Variants in IL2RB observed in about 807,000 individuals in gnomAD.
IL2RB encodes interleukin-2 receptor subunit beta.
A neutral mutation model predicts 44.2 loss-of-function variants in IL2RB; 17 were observed. The ratio of observed to expected loss-of-function variants is 0.38; its 90% CI spans 0.26 to 0.58. The LOEUF is 0.58. Among genes scored for constraint, IL2RB ranks in the 20% least tolerant of loss-of-function variants. IL2RB has a pLI of 0.63. For missense variants in IL2RB, 624 were observed against 685.5 expected, an observed-to-expected ratio of 0.91 and a Z score of 1.00; for synonymous variants, 286 against 297.9, an observed-to-expected ratio of 0.96 and a Z score of 0.41.
intron 6 of IL2RB, 103 bp downstream of exon 6, chr22:37,137,484 C>A (rs1921764155): frequency 1.6e-6 from 2 of 1,238,994 alleles, no homozygotes; most frequent in East Asian, 4.7e-5. Flanking sequence ...ACCCACCATC[C>A]ACCTGGGGCT....
intron 8 of IL2RB, among the ~76,000 whole-genome samples, chr22:37,133,429 T>C (rs1175327413): frequency 2.0e-5 from 3 of 152,186 alleles, no homozygotes; most frequent in Non-Finnish European, 2.9e-5. Flanking sequence ...TAACTGGCTA[T>C]GTGACCTTGG....
At chr22:37,144,286 C>T in intron 1 of IL2RB, 81 bp from the exon 2 acceptor site, 1 of 1,462,014 alleles carries the variant, frequency 6.8e-7, no homozygotes, top group South Asian at 1.4e-5. Flanking sequence ...CTGGGCCCGC[C>T]CCCTCAGTGT....
rs569743279 is a variant in IL2RB at position 37,136,657 on chromosome 22, G to A, written c.538-264C>T. Among the ~76,000 whole-genome samples, 519 of 151,054 alleles carry A rather than the reference G, an allele frequency of 3.4e-3. 5 individuals carry two copies. In the Middle Eastern group the frequency reaches 0.038, roughly 11 times the overall value. On this transcript the variant is annotated intron_variant, in intron 6 of 9. Coordinates refer to ENST00000216223, the MANE Select transcript of IL2RB (RefSeq NM_000878.5). Reference sequence around the variant, plus strand: ...TCCAGAACCATCCCCCTCTCTCCCCGCCGCACTCACCCCAGGCCTGAGCTG... The same window carrying A: ...TCCAGAACCATCCCCCTCTCTCCCCACCGCACTCACCCCAGGCCTGAGCTG...
intron 1 of IL2RB, among the ~76,000 whole-genome samples, chr22:37,160,713 G>T (rs927417497): frequency 2.8e-5 from 2 of 72,578 alleles, no homozygotes; most frequent in African/African-American, 1.4e-4. Flanking sequence ...GCCGGGCATG[G>T]TGGTGCATGC....
Position 37,137,495 on chromosome 22 carries a change from G to A in IL2RB, c.537+92C>T, listed in dbSNP as rs1921764659. The A allele has an allele frequency of 2.2e-6, 3 of 1,393,452 alleles. No homozygotes were observed. The East Asian group carries it at 6.9e-5, about 32-fold the overall frequency. 86.3% of individuals were successfully genotyped at this position (1,393,452 alleles called of 1,614,324 possible). A position where few individuals can be genotyped will look rare whatever the true frequency, so the allele number is the denominator to read the frequency against. ...AGCCACCCACCATCCACCTGGGGCT[G>A]AGGGGACCTCGACACAATGAAAAAG... On this transcript the variant is annotated intron_variant, in intron 6 of 9. Coordinates refer to ENST00000216223, the MANE Select transcript of IL2RB (RefSeq NM_000878.5).
At chr22:37,161,783 C>G (rs984247083) in intron 1 of IL2RB, 1 of 152,220 alleles carries the variant, frequency 6.6e-6, no homozygotes, top group African/African-American at 2.4e-5. Flanking sequence ...GATCATGTGA[C>G]CAGGCTCACC....
Position 37,135,390 on chromosome 22 carries a change from G to T in IL2RB, c.756C>A (p.Ser252Arg), listed in dbSNP as rs200064374. The change falls in exon 8 of 10, where the codon AGC (serine) becomes AGA (arginine). Residue 252 changes from serine to arginine, a missense_variant. Physicochemically the swap from Ser to Arg is moderately radical, Grantham distance 110. Around this residue, in one of 3 missense-constraint regions of IL2RB, gnomAD observed 255 missense variants for 339.9 expected, o/e 0.75. Transcript: ENST00000216223. ...CTAAGATGATGAAGCCAAAAGCCCC[G>T]CTGAGGCCCACGAGGAGGTGGCCGA... ...PWLGHLLVGL[S>R]GAFGFIILVY... 6.2e-7 allele frequency: 1 copy of T among 1,613,900 alleles called. No homozygotes were observed.
At chr22:37,137,762 G>A (rs916792395) in intron 5 of IL2RB, 27 bp from the exon 6 acceptor site, 7 of 1,605,794 alleles carry the variant, frequency 4.4e-6, no homozygotes, top group African/African-American at 2.7e-5. Context: ...GTAGGGGAGA[G>A]CAGTCAGCCA....
At chr22:37,140,309 T>C (rs866911620) in intron 4 of IL2RB, among the ~76,000 whole-genome samples, 2 of 145,696 alleles carry the variant, frequency 1.4e-5, no homozygotes, top group Admixed American at 6.8e-5. Flanking sequence ...ATTATTATTA[T>C]TATTATTATT....
At chr22:37,150,436 TTA>T (rs1922438905), upstream of IL2RB, among the ~76,000 whole-genome samples, 1 of 152,186 alleles carries the variant, frequency 6.6e-6, no homozygotes, top group African/African-American at 2.4e-5. Context: ...ACTGTTTTTT[TTA>T]GTTTTTAATT....
upstream of IL2RB, among the ~76,000 whole-genome samples, chr22:37,154,156 G>A (rs1394207035): frequency 6.6e-6 from 1 of 152,206 alleles, no homozygotes; most frequent in Admixed American, 6.5e-5. Context: ...GGAAAGTGGG[G>A]AGCAGAATGG....
intron 1 of IL2RB, among the ~76,000 whole-genome samples, chr22:37,149,257 G>C (rs1185368213): frequency 1.3e-5 from 2 of 152,188 alleles, no homozygotes; most frequent in African/African-American, 4.8e-5. Context: ...GACAAACCCA[G>C]ACTCAAACCC....
chr22:37,145,598 G>C lies in IL2RB; in HGVS notation c.-33-1393C>G, dbSNP rs570550158. Among the ~76,000 whole-genome samples, 23 of 152,100 alleles carry C rather than the reference G, an allele frequency of 1.5e-4. No homozygotes were observed. In the South Asian group the frequency reaches 3.1e-3, roughly 21 times the overall value. Reference sequence around the variant, plus strand: ...GAGGGGAATGAGAAAGTGAGCACATGGTCACTTCGGGAAGATAAGGGGACT... The same window carrying C: ...GAGGGGAATGAGAAAGTGAGCACATCGTCACTTCGGGAAGATAAGGGGACT... On this transcript the variant is annotated intron_variant, in intron 1 of 9. Coordinates refer to ENST00000216223, the MANE Select transcript of IL2RB (RefSeq NM_000878.5).
At chr22:37,173,235 C>G (rs921694165) in intron 1 of IL2RB, among the ~76,000 whole-genome samples, 5 of 152,116 alleles carry the variant, frequency 3.3e-5, no homozygotes, top group African/African-American at 1.2e-4. Flanking sequence ...TTCTCCCTCC[C>G]AAATTTGCTT....
intron 1 of IL2RB, among the ~76,000 whole-genome samples, chr22:37,144,850 C>G (rs975153924): frequency 1.3e-5 from 2 of 152,338 alleles, no homozygotes; most frequent in South Asian, 4.1e-4. Flanking sequence ...TTTCCTCTAT[C>G]TCTCTTCACA....
chr22:37,132,684 G>A (rs537441892), intron 8 of IL2RB, among the ~76,000 whole-genome samples: 76 of 152,378 alleles, frequency 5.0e-4, no homozygotes, highest in Admixed American at 4.3e-3. Context: ...CTCTCAAGGA[G>A]CTGACATTCT....
At chr22:37,129,744 C>T (rs556600479) in intron 9 of IL2RB, among the ~76,000 whole-genome samples, 1 of 152,338 alleles carries the variant, frequency 6.6e-6, no homozygotes, top group African/African-American at 2.4e-5. Flanking sequence ...GGGTAAGACA[C>T]AGACTGCACA....
At chr22:37,163,903 CG>C (rs1922969730) in intron 1 of IL2RB, among the ~76,000 whole-genome samples, 1 of 152,232 alleles carries the variant, frequency 6.6e-6, no homozygotes, top group Non-Finnish European at 1.5e-5. Context: ...TTCCTCAGTG[CG>C]TGGAGCTGCT....
In IL2RB at chr22:37,144,094, C is replaced by G; in HGVS notation, c.79G>C (p.Ala27Pro). ...LPLATSWASA[A>P]VNGTSQFTCF... Reference sequence around the variant, plus strand: ...ATGTCAGGGTCCTCACCATTCACCGCTGCAGATGCCCAAGAGGTAGCCAGG... The same window carrying G: ...ATGTCAGGGTCCTCACCATTCACCGGTGCAGATGCCCAAGAGGTAGCCAGG... Residue 27 changes from alanine to proline, a missense_variant, in exon 2 of 10, where the codon GCG becomes CCG. This residue lies in a region of IL2RB where 78 missense variants were observed against 70.0 expected (regional missense o/e 1.11). Coordinates refer to ENST00000216223, the MANE Select transcript of IL2RB (RefSeq NM_000878.5). The G allele has an allele frequency of 6.4e-7, 1 of 1,552,302 alleles. No homozygotes were observed. Among genetic ancestry groups the G allele is most frequent in the Non-Finnish European group, 8.7e-7 (1 of 1,147,200 alleles).
Sources: gnomAD v4.1 joint callset for allele counts (sites outside exome capture counted in the v4.1 genomes callset) on GRCh38, gnomAD v4.1.1 for gene constraint, gnomAD v4.1.1 regional missense constraint, MANE v1.5 for transcripts, NCBI Gene and HGNC (gene_info 2026-07-23, HGNC 2026-07-21) for gene names.